Variants in FHIT observed in about 807,000 individuals in gnomAD.
FHIT encodes bis(5'-adenosyl)-triphosphatase.
Under a neutral mutation model 17.9 loss-of-function variants are expected in FHIT, and 19 were observed. That is an observed-to-expected ratio of 1.06 (90% CI 0.74 to 1.56). The LOEUF (loss-of-function observed/expected upper bound fraction) is 1.56, where lower values mean the gene tolerates loss of function less well. Ranked by LOEUF, FHIT falls within the 40% of genes most tolerant of loss-of-function variation. FHIT has a pLI of 0.00. For missense variants in FHIT, 248 were observed against 189.2 expected (o/e 1.31, Z -1.82); for synonymous variants, 81 against 69.7 (o/e 1.16, Z -0.81).
rs555756918 is a variant in FHIT, at chr3:60,237,991, A to T, written c.104-223839T>A. ...TCTCTACTAAAAATAATAATAATAA[A>T]AAAAATCAGCCAGGAATGGTGGTAC... On this transcript the variant is annotated intron_variant, in intron 5 of 9. Coordinates refer to ENST00000492590, the MANE Select transcript of FHIT (RefSeq NM_002012.4). Among the ~76,000 whole-genome samples, 25 of 151,896 alleles carry T rather than the reference A, an allele frequency of 1.6e-4. No individual in the cohort carries two copies. In the South Asian group the frequency reaches 4.6e-3, roughly 28 times the overall value.
intron 8 of FHIT, among the ~76,000 whole-genome samples, chr3:59,885,363 G>T (rs1032525885): frequency 2.0e-4 from 30 of 151,946 alleles, no homozygotes; most frequent in African/African-American, 6.3e-4. Flanking sequence ...ATAGTCTGAA[G>T]GATACAGTGA....
chr3:60,398,970 A>T (rs73094258), intron 5 of FHIT, among the ~76,000 whole-genome samples: 36,610 of 152,072 alleles, frequency 0.24, 4,777 homozygotes, highest in East Asian at 0.31. Flanking sequence ...TAAGAATGAA[A>T]TTTTATTATA....
At chr3:60,234,824 A>G (rs1704684093) in intron 5 of FHIT, among the ~76,000 whole-genome samples, 1 of 152,192 alleles carries the variant, frequency 6.6e-6, no homozygotes, top group African/African-American at 2.4e-5. Flanking sequence ...TCTCAGGAGA[A>G]ACACAGAAGT....
chr3:61,105,626 C>G (rs1197113238), intron 2 of FHIT, among the ~76,000 whole-genome samples: 1 of 152,098 alleles, frequency 6.6e-6, no homozygotes, highest in Non-Finnish European at 1.5e-5. Flanking sequence ...GGGATCAACT[C>G]TCCCTGAACC....
intron 3 of FHIT, among the ~76,000 whole-genome samples, chr3:60,844,930 T>G (rs951332440): frequency 6.6e-6 from 1 of 152,158 alleles, no homozygotes; most frequent in Non-Finnish European, 1.5e-5. Context: ...ATTCACTAAC[T>G]ATGTTACAAT....
chr3:60,621,804 T>C (rs1263896868), intron 4 of FHIT, among the ~76,000 whole-genome samples: 1 of 151,314 alleles, frequency 6.6e-6, no homozygotes, highest in Non-Finnish European at 1.5e-5. Flanking sequence ...GCACAGGAGA[T>C]TAAGGGTACA....
chr3:61,138,525 C>T (rs191965869), intron 2 of FHIT, among the ~76,000 whole-genome samples: 1 of 152,182 alleles, frequency 6.6e-6, no homozygotes. Flanking sequence ...ACTGCAATGA[C>T]ACCTAAGGGA....
At chr3:60,819,118 T>G (rs1055643152) in intron 4 of FHIT, among the ~76,000 whole-genome samples, 1 of 151,936 alleles carries the variant, frequency 6.6e-6, no homozygotes. Context: ...AGAACTTACT[T>G]AGCCATATTG....
chr3:60,800,739 C>T (rs183114621), intron 4 of FHIT, among the ~76,000 whole-genome samples: 104 of 152,266 alleles, frequency 6.8e-4, no homozygotes, highest in Middle Eastern at 3.4e-3. Flanking sequence ...AGCTGGAGTC[C>T]AGCCATGGCC....
At chr3:60,249,537 A>ATT (rs34799137) in intron 5 of FHIT, among the ~76,000 whole-genome samples, 8 of 151,172 alleles carry the variant, frequency 5.3e-5, no homozygotes, top group Non-Finnish European at 1.0e-4. Flanking sequence ...AGGATGAAGG[A>ATT]TTTTTTTTTC....
chr3:60,799,350 T>A (rs1701103563), intron 4 of FHIT, among the ~76,000 whole-genome samples: 3 of 152,176 alleles, frequency 2.0e-5, no homozygotes, highest in Non-Finnish European at 4.4e-5. Context: ...AATTTTGTAT[T>A]TTTAGTAGAG....
chr3:60,171,834 T>C (rs371911023), intron 5 of FHIT, among the ~76,000 whole-genome samples: 2 of 151,428 alleles, frequency 1.3e-5, no homozygotes, highest in African/African-American at 2.4e-5. Flanking sequence ...GCCTCCCAAA[T>C]AGTTAGGATT....
Position 60,010,162 on chromosome 3 carries a change from T to G in FHIT, c.279+1209A>C, listed in dbSNP as rs1220164034. On this transcript the variant is annotated intron_variant, in intron 7 of 9. Transcript: ENST00000492590. ...TCTTGGAACCAAGTTTAAACATTTGTGTTTTGCATTTCAAGAAGTGATTTC... is the reference window on the plus strand; with the variant it reads ...TCTTGGAACCAAGTTTAAACATTTGGGTTTTGCATTTCAAGAAGTGATTTC... Among the ~76,000 whole-genome samples, 3 of 152,254 alleles carry G rather than the reference T, an allele frequency of 2.0e-5. No homozygotes were observed. In the East Asian group the frequency reaches 5.8e-4, roughly 29 times the overall value.
intron 8 of FHIT, among the ~76,000 whole-genome samples, chr3:59,898,607 T>A (rs1413497160): frequency 1.3e-5 from 2 of 152,170 alleles, no homozygotes. Flanking sequence ...AGCAGCTGCA[T>A]CATTTAGATA....
chr3:60,619,600 C>CAAAAA (rs57198487), intron 4 of FHIT, among the ~76,000 whole-genome samples: 4 of 88,692 alleles, frequency 4.5e-5, no homozygotes, highest in Non-Finnish European at 6.6e-5. Context: ...TACCCACATG[C>CAAAAA]AAAAAAAAAA....
chr3:61,211,367 C>T (rs956823531), intron 1 of FHIT, among the ~76,000 whole-genome samples: 15 of 152,232 alleles, frequency 9.9e-5, no homozygotes, highest in Middle Eastern at 3.2e-3. Flanking sequence ...ACACCTGGCT[C>T]GAAGGGTCCT....
At chr3:59,830,617 T>C (rs1701131089) in intron 8 of FHIT, among the ~76,000 whole-genome samples, 1 of 152,100 alleles carries the variant, frequency 6.6e-6, no homozygotes, top group South Asian at 2.1e-4. Context: ...ACATTCAAAC[T>C]CCCCCATTCT....
intron 5 of FHIT, among the ~76,000 whole-genome samples, chr3:60,069,647 G>T (rs949206437): frequency 6.6e-6 from 1 of 152,112 alleles, no homozygotes; most frequent in Non-Finnish European, 1.5e-5. Flanking sequence ...GGGCACTGTG[G>T]CTGAGAGGTT....
intron 5 of FHIT, among the ~76,000 whole-genome samples, chr3:60,245,884 T>G (rs764998153): frequency 6.6e-5 from 10 of 152,056 alleles, no homozygotes; most frequent in Non-Finnish European, 1.5e-4. Context: ...GTATGTACAT[T>G]TTATGTGACA....
Sources: allele counts gnomAD v4.1 joint callset (sites outside exome capture counted in the v4.1 genomes callset), GRCh38; gene constraint gnomAD v4.1.1; transcripts MANE v1.5; gene names NCBI Gene and HGNC (gene_info 2026-07-23, HGNC 2026-07-21).